Variants in RALB observed in about 807,000 individuals in gnomAD.
RALB encodes the protein RAS like proto-oncogene B.
RALB carries 16 observed loss-of-function variants against 21.3 expected under a neutral mutation model. The ratio of observed to expected loss-of-function variants is 0.75; its 90% CI spans 0.51 to 1.14. The LOEUF is 1.14. RALB is among the 50% of genes most tolerant of loss of function. The probability of loss-of-function intolerance (pLI) is 0.00; values close to 1 mark genes in which losing one functional copy is unlikely to be tolerated. For synonymous variants in RALB, 93 were observed against 96.1 expected (o/e 0.97, Z 0.19); for missense variants, 161 against 256.2 (o/e 0.63, Z 2.54).
chr2:120,252,016 C>T (rs1032535790), upstream of RALB, among the ~76,000 whole-genome samples: 1 of 152,156 alleles, frequency 6.6e-6, no homozygotes, highest in African/African-American at 2.4e-5. Flanking sequence ...TATCACATTG[C>T]ATAAGAGATA....
chr2:120,281,853 T>G (rs749873977), intron 2 of RALB, among the ~76,000 whole-genome samples: 1 of 151,834 alleles, frequency 6.6e-6, no homozygotes, highest in African/African-American at 2.4e-5. Context: ...ATTAGGGAGA[T>G]AGGATTAGGG....
At chr2:120,249,750 T>C (rs537710065), upstream of RALB, among the ~76,000 whole-genome samples, 1 of 152,330 alleles carries the variant, frequency 6.6e-6, no homozygotes, top group South Asian at 2.1e-4. Flanking sequence ...ATCCAAACCA[T>C]ATCAAACCTC....
chr2:120,286,356 C>G (rs767077224), intron 3 of RALB, among the ~76,000 whole-genome samples: 21 of 152,070 alleles, frequency 1.4e-4, no homozygotes, highest in Non-Finnish European at 2.9e-4. Flanking sequence ...GAAGCTATTC[C>G]ATATAATCAA....
At chr2:120,254,326 A>G (rs1012629039) in intron 1 of RALB, among the ~76,000 whole-genome samples, 1 of 152,204 alleles carries the variant, frequency 6.6e-6, no homozygotes, top group Non-Finnish European at 1.5e-5. Flanking sequence ...GCGTGGCTTT[A>G]GTTGTCAGCC....
chr2:120,290,943 A>C (rs1690291107), intron 4 of RALB, among the ~76,000 whole-genome samples: 1 of 152,184 alleles, frequency 6.6e-6, no homozygotes, highest in Non-Finnish European at 1.5e-5. Context: ...CACAGTGGAC[A>C]CGTCTGCTTT....
chr2:120,294,577 C>T lies in RALB; in HGVS notation c.*1317C>T, dbSNP rs1024038408. 4.5e-5 allele frequency: 11 copies of T among 243,496 alleles called. No individual in the cohort carries two copies. Among genetic ancestry groups the T allele is most frequent in the South Asian group, 3.5e-4 (2 of 5,676 alleles). 15.1% of individuals were successfully genotyped at this position (243,496 alleles called of 1,614,324 possible). ...TAGGTGCCAAAAGTGAATCGGGGTGCGGAGAGTGGGAACCTTTTGAATTTA... is the reference window on the plus strand; with the variant it reads ...TAGGTGCCAAAAGTGAATCGGGGTGTGGAGAGTGGGAACCTTTTGAATTTA... On this transcript the variant is annotated 3_prime_UTR_variant, in exon 5 of 5. Transcript: ENST00000272519.
At chr2:120,287,968 A>G (rs1690206493) in intron 3 of RALB, among the ~76,000 whole-genome samples, 2 of 152,252 alleles carry the variant, frequency 1.3e-5, no homozygotes, top group South Asian at 4.1e-4. Context: ...TTCCAAATAG[A>G]AAGGCCCCAA....
rs1689092387 is a variant in RALB, at chr2:120,252,955, G to C, written c.-73G>C. On this transcript the variant is annotated 5_prime_UTR_variant, in exon 1 of 5. Coordinates refer to ENST00000272519, the MANE Select transcript of RALB (RefSeq NM_002881.3). ...TAAGAGCTGCGGGCCGGGTGCGGAC[G>C]GCGGAGGCGGCGGGACTGGTCCCTG... The C allele has an allele frequency of 2.0e-6, 2 of 985,554 alleles. No homozygotes were observed. The highest frequency in any genetic ancestry group is 2.4e-6 in the Non-Finnish European group (2 of 830,356). 61.1% of individuals were successfully genotyped at this position (985,554 alleles called of 1,614,324 possible). A position where few individuals can be genotyped will look rare whatever the true frequency, so the allele number is the denominator to read the frequency against.
intron 1 of RALB, among the ~76,000 whole-genome samples, chr2:120,264,931 G>T (rs931677255): frequency 2.0e-5 from 3 of 151,044 alleles, no homozygotes; most frequent in Admixed American, 2.0e-4. Flanking sequence ...GCATGTGTCA[G>T]CTTCCTTCCT....
intron 3 of RALB, among the ~76,000 whole-genome samples, chr2:120,287,734 A>G (rs941088769): frequency 2.0e-5 from 3 of 152,266 alleles, no homozygotes; most frequent in African/African-American, 4.8e-5. Flanking sequence ...GCTCCCCTCA[A>G]TGTGGAAAAG....
chr2:120,261,351 T>C (rs1689361245), intron 1 of RALB, among the ~76,000 whole-genome samples: 3 of 152,076 alleles, frequency 2.0e-5, no homozygotes, highest in Admixed American at 1.3e-4. Flanking sequence ...AGCAGGAATG[T>C]GTACTCCATG....
At chr2:120,273,438 C>A (rs182981445) in intron 1 of RALB, among the ~76,000 whole-genome samples, 1 of 152,196 alleles carries the variant, frequency 6.6e-6, no homozygotes, top group Non-Finnish European at 1.5e-5. Flanking sequence ...GGGTAGTCCA[C>A]ATCTTGTGAC....
At chr2:120,251,444 T>G (rs572377291), upstream of RALB, among the ~76,000 whole-genome samples, 8 of 152,318 alleles carry the variant, frequency 5.3e-5, no homozygotes, top group Admixed American at 5.2e-4. Flanking sequence ...CATGTACATC[T>G]TCTTACCTAT....
At chr2:120,259,721 G>A (rs977558317) in intron 1 of RALB, among the ~76,000 whole-genome samples, 2 of 152,260 alleles carry the variant, frequency 1.3e-5, no homozygotes, top group East Asian at 1.9e-4. Context: ...TGCAGGTGGA[G>A]CTGCCTGCCA....
chr2:120,288,840 G>GC (rs1327317868), intron 3 of RALB, among the ~76,000 whole-genome samples: 3 of 151,934 alleles, frequency 2.0e-5, no homozygotes, highest in Non-Finnish European at 4.4e-5. Flanking sequence ...TGTGATTACT[G>GC]CCTAACATAT....
At position 120,266,003 on chromosome 2, in the gene RALB, A is replaced by G. The variant is rs141204626; in HGVS notation, c.-47-12615A>G. The stretch of plus-strand genomic sequence containing the variant: ...TAAGGCTAGCAGAATCCCAGATTCC[A>G]TGGGTGGGTGGAGGAGGACTTTATT... On this transcript the variant is annotated intron_variant, in intron 1 of 4. Coordinates refer to ENST00000272519, the MANE Select transcript of RALB (RefSeq NM_002881.3). 3.8e-3 allele frequency among the ~76,000 whole-genome samples: 579 copies of G among 152,354 alleles called. 2 individuals are homozygous for G. The highest frequency in any genetic ancestry group is 0.013 in the African/African-American group (553 of 41,588).
chr2:120,275,530 A>C (rs1481835466), intron 1 of RALB, among the ~76,000 whole-genome samples: 1 of 152,152 alleles, frequency 6.6e-6, no homozygotes, highest in Non-Finnish European at 1.5e-5. Flanking sequence ...CTAGGGTGGG[A>C]CCCAGGTGTA....
chr2:120,241,354 A>G (rs1442827410), intron 1 of RALB, among the ~76,000 whole-genome samples: 1 of 152,202 alleles, frequency 6.6e-6, no homozygotes, highest in African/African-American at 2.4e-5. Context: ...AGTGCCTGCT[A>G]TGAGCGGGGC....
chr2:120,246,657 G>C (rs1688975436), intron 1 of RALB, among the ~76,000 whole-genome samples: 1 of 152,240 alleles, frequency 6.6e-6, no homozygotes, highest in Non-Finnish European at 1.5e-5. Flanking sequence ...CCAAGGACCT[G>C]GATCCGCCTG....
Sources: gnomAD v4.1 joint callset for allele counts (sites outside exome capture counted in the v4.1 genomes callset) on GRCh38, gnomAD v4.1.1 for gene constraint, MANE v1.5 for transcripts, NCBI Gene and HGNC (gene_info 2026-07-23, HGNC 2026-07-21) for gene names.